CTNNA2: variants seen among roughly 807,000 people sequenced by gnomAD.
CTNNA2 encodes catenin alpha-2.
A neutral mutation model predicts 101.0 loss-of-function variants in CTNNA2; 42 were observed. That is an observed-to-expected ratio of 0.42 (90% CI 0.32 to 0.54). The LOEUF (loss-of-function observed/expected upper bound fraction) is 0.54. Ranked by LOEUF, CTNNA2 falls within the 20% of genes least tolerant of loss-of-function variation. The probability of loss-of-function intolerance (pLI) is 0.14; values close to 1 mark genes in which losing one functional copy is unlikely to be tolerated. For synonymous variants in CTNNA2, 450 were observed against 456.4 expected (o/e 0.99, Z 0.18); for missense variants, 871 against 1,223.1 (o/e 0.71, Z 4.29).
Position 79,938,368 on chromosome 2 carries a change from G to A in CTNNA2, c.1056+28571G>A, listed in dbSNP as rs1396720503. 2.0e-5 allele frequency among the ~76,000 whole-genome samples: 3 copies of A among 152,112 alleles called. No homozygotes were observed. In the East Asian group the frequency reaches 5.8e-4, roughly 29 times the overall value. On this transcript the variant is annotated intron_variant, in intron 7 of 18. Coordinates refer to ENST00000402739, the MANE Select transcript of CTNNA2 (RefSeq NM_001282597.3). ...AGAAACAGTGATGAAGATGTATTTG[G>A]ATTGACAGTCTAATTAAAGATATTT...
At chr2:80,565,312 G>A (rs1254805223) in intron 12 of CTNNA2, among the ~76,000 whole-genome samples, 5 of 152,100 alleles carry the variant, frequency 3.3e-5, no homozygotes, top group African/African-American at 4.8e-5. Context: ...AGTTCTAGGA[G>A]CAAGTTTATC....
chr2:80,089,546 G>A (rs775539709), intron 7 of CTNNA2, among the ~76,000 whole-genome samples: 1 of 150,752 alleles, frequency 6.6e-6, no homozygotes, highest in Non-Finnish European at 1.5e-5. Context: ...TTATTTTAAC[G>A]GTTTCACTTC....
intron 2 of CTNNA2, among the ~76,000 whole-genome samples, chr2:79,257,572 A>C (rs1302214688): frequency 6.6e-6 from 1 of 152,064 alleles, no homozygotes; most frequent in Non-Finnish European, 1.5e-5. Flanking sequence ...TTTCAAAAGA[A>C]GTCATAGGAA....
At chr2:79,619,719 G>A (rs1164198943) in intron 1 of CTNNA2, among the ~76,000 whole-genome samples, 1 of 152,060 alleles carries the variant, frequency 6.6e-6, no homozygotes, top group African/African-American at 2.4e-5. Flanking sequence ...CATATTAAAT[G>A]GCTCAGACAG....
intron 7 of CTNNA2, among the ~76,000 whole-genome samples, chr2:80,279,552 C>T (rs998702847): frequency 4.6e-5 from 7 of 151,938 alleles, no homozygotes; most frequent in South Asian, 2.1e-4. Flanking sequence ...TTATTTTTTT[C>T]GCTTTTAAAG....
intron 4 of CTNNA2, among the ~76,000 whole-genome samples, chr2:79,441,740 T>G (rs1678780180): frequency 6.6e-6 from 1 of 152,200 alleles, no homozygotes; most frequent in Non-Finnish European, 1.5e-5. Flanking sequence ...TAAAAACTTT[T>G]CATGGCTTTT....
In CTNNA2 at chr2:79,691,400, A is replaced by G. The variant is rs1684288167; in HGVS notation, c.102+39742A>G. Among the ~76,000 whole-genome samples, 6 of 152,074 alleles carry G rather than the reference A, an allele frequency of 3.9e-5. No individual in the cohort carries two copies. In the South Asian group the frequency reaches 1.2e-3, roughly 32 times the overall value. On this transcript the variant is annotated intron_variant, in intron 2 of 18. Coordinates refer to ENST00000402739, the MANE Select transcript of CTNNA2 (RefSeq NM_001282597.3). ...AGAGATTATCATCTGCAGTTTCTGC[A>G]AAGAATGAATAGTAAGATATATATT...
At chr2:80,500,197 A>G (rs965403501) in intron 9 of CTNNA2, among the ~76,000 whole-genome samples, 1 of 152,238 alleles carries the variant, frequency 6.6e-6, no homozygotes, top group Non-Finnish European at 1.5e-5. Context: ...GAAAGCGTGC[A>G]GAGATCAAAA....
chr2:79,892,015 G>T (rs1228349368), intron 6 of CTNNA2, among the ~76,000 whole-genome samples: 1 of 151,946 alleles, frequency 6.6e-6, no homozygotes, highest in African/African-American at 2.4e-5. Context: ...AAGGAACACT[G>T]GTATGTCCTT....
At chr2:79,970,374 A>G (rs1013933055) in intron 7 of CTNNA2, among the ~76,000 whole-genome samples, 2 of 152,152 alleles carry the variant, frequency 1.3e-5, no homozygotes, top group African/African-American at 4.8e-5. Flanking sequence ...AACTATGCTG[A>G]TTGTGTCAAA....
intron 7 of CTNNA2, among the ~76,000 whole-genome samples, chr2:80,391,009 G>A (rs562045143): frequency 6.6e-6 from 1 of 151,718 alleles, no homozygotes; most frequent in Non-Finnish European, 1.5e-5. Context: ...GCACATGTCT[G>A]TAATCCCAGC....
intron 1 of CTNNA2, among the ~76,000 whole-genome samples, chr2:79,626,294 A>G (rs910640770): frequency 1.3e-5 from 2 of 152,142 alleles, no homozygotes; most frequent in African/African-American, 4.8e-5. Context: ...CAGAGGCTTC[A>G]GGCAAGGCTT....
chr2:79,532,954 C>T (rs779239782), intron 1 of CTNNA2, among the ~76,000 whole-genome samples: 1 of 152,106 alleles, frequency 6.6e-6, no homozygotes, highest in Non-Finnish European at 1.5e-5. Context: ...TCATGCTCCT[C>T]TAAGGGAACC....
intron 7 of CTNNA2, among the ~76,000 whole-genome samples, chr2:80,125,583 C>G (rs1702066571): frequency 6.6e-6 from 1 of 152,188 alleles, no homozygotes; most frequent in South Asian, 2.1e-4. Flanking sequence ...GCAGATGTCA[C>G]TATCTAGATA....
At chr2:79,592,057 T>A (rs930348631) in intron 1 of CTNNA2, among the ~76,000 whole-genome samples, 2 of 152,022 alleles carry the variant, frequency 1.3e-5, no homozygotes, top group East Asian at 3.9e-4. Context: ...TTCCTCTTAC[T>A]TAGTCTCACT....
intron 7 of CTNNA2, among the ~76,000 whole-genome samples, chr2:80,136,064 G>A (rs556653756): frequency 6.6e-6 from 1 of 152,246 alleles, no homozygotes; most frequent in South Asian, 2.1e-4. Context: ...CTGGGCTTAT[G>A]TATCCTACTG....
chr2:80,279,539 T>C (rs1450776477), intron 7 of CTNNA2, among the ~76,000 whole-genome samples: 2 of 152,210 alleles, frequency 1.3e-5, no homozygotes, highest in Non-Finnish European at 2.9e-5. Context: ...AATATTATAC[T>C]ATTTATTTTT....
chr2:80,260,875 T>C (rs1672556350), intron 7 of CTNNA2, among the ~76,000 whole-genome samples: 1 of 152,206 alleles, frequency 6.6e-6, no homozygotes, highest in Non-Finnish European at 1.5e-5. Flanking sequence ...CATTTTTTTT[T>C]CCACCAAAGC....
upstream of CTNNA2, among the ~76,000 whole-genome samples, chr2:79,508,380 GTAAAATGA>G (rs1399938099): frequency 1.3e-5 from 2 of 152,092 alleles, no homozygotes; most frequent in African/African-American, 4.8e-5. Context: ...ACAATTGAGA[GTAAAATGA>G]CACAATTTCA....
Sources: gnomAD v4.1 joint callset for allele counts (sites outside exome capture counted in the v4.1 genomes callset) on GRCh38, gnomAD v4.1.1 for gene constraint, MANE v1.5 for transcripts, NCBI Gene and HGNC (gene_info 2026-07-23, HGNC 2026-07-21) for gene names.